The following HDAC9 variants were observed in gnomAD, a reference collection of about 807,000 sequenced individuals.
HDAC9 encodes histone deacetylase 9, also known as MEF-2 interacting transcription repressor (MITR) protein.
In HDAC9, 41 loss-of-function variants were observed where a neutral mutation model predicts 139.4. That is an observed-to-expected ratio of 0.29 (90% CI 0.23 to 0.38). The LOEUF is 0.38. Among genes scored for constraint, HDAC9 ranks in the 10% least tolerant of loss-of-function variants. HDAC9 has a pLI of 1.00. For missense variants in HDAC9, 1,147 were observed against 1,297.0 expected (o/e 0.88, Z 1.78); for synonymous variants, 517 against 476.2 (o/e 1.09, Z -1.12).
intron 2 of HDAC9, among the ~76,000 whole-genome samples, chr7:18,165,652 T>A (rs1348087080): frequency 6.6e-6 from 1 of 151,730 alleles, no homozygotes; most frequent in African/African-American, 2.4e-5. Flanking sequence ...TTGCTTGGCA[T>A]GGTGGTGCAT....
chr7:18,868,708 T>C (rs888586574), intron 21 of HDAC9, among the ~76,000 whole-genome samples: 1 of 152,056 alleles, frequency 6.6e-6, no homozygotes, highest in Non-Finnish European at 1.5e-5. Context: ...AAAAGTAATA[T>C]AATGTTGGGT....
At position 18,685,821 on chromosome 7, in the gene HDAC9, G is replaced by A. The variant is rs144256136; in HGVS notation, c.1731+19345G>A. 8.4e-4 allele frequency among the ~76,000 whole-genome samples: 127 copies of A among 152,010 alleles called. 2 individuals carry two copies. The East Asian group carries it at 0.019, about 23-fold the overall frequency. ...TAGTCATAAAATATATGCAGAAATA[G>A]CGTGTGCCAGTATTTAAAGTTTAAA... On this transcript the variant is annotated intron_variant, in intron 12 of 25. Transcript: ENST00000686413.
intron 2 of HDAC9, among the ~76,000 whole-genome samples, chr7:18,534,073 C>T (rs1809994865): frequency 6.6e-6 from 1 of 152,092 alleles, no homozygotes; most frequent in Admixed American, 6.6e-5. Context: ...CTCTGCTCTC[C>T]TCCTTTCATG....
chr7:18,974,281 A>T (rs947996746), intron 24 of HDAC9, among the ~76,000 whole-genome samples: 2 of 152,214 alleles, frequency 1.3e-5, no homozygotes, highest in African/African-American at 4.8e-5. Context: ...ATTTCTAATG[A>T]TCTTTCAAAT....
intron 11 of HDAC9, among the ~76,000 whole-genome samples, chr7:18,655,247 G>A (rs1790727006): frequency 6.6e-6 from 1 of 152,042 alleles, no homozygotes; most frequent in African/African-American, 2.4e-5. Flanking sequence ...TCCATGCAGG[G>A]TCTTTTAATC....
intron 2 of HDAC9, among the ~76,000 whole-genome samples, chr7:18,558,496 C>T (rs1819571098): frequency 6.6e-6 from 1 of 152,158 alleles, no homozygotes; most frequent in African/African-American, 2.4e-5. Context: ...TGGGGAAACT[C>T]AGGTTGTGCT....
chr7:18,363,274 A>G (rs778501496), intron 1 of HDAC9, among the ~76,000 whole-genome samples: 3 of 152,096 alleles, frequency 2.0e-5, no homozygotes, highest in Non-Finnish European at 4.4e-5. Flanking sequence ...AGGTATATAT[A>G]TCTTTTGTAA....
At chr7:18,549,628 T>C (rs780038256) in intron 2 of HDAC9, among the ~76,000 whole-genome samples, 63 of 152,322 alleles carry the variant, frequency 4.1e-4, no homozygotes, top group East Asian at 2.5e-3. Context: ...GATATTGTAC[T>C]ATTATTATAT....
chr7:18,490,908 C>G (rs1796316060), upstream of HDAC9, among the ~76,000 whole-genome samples: 1 of 151,920 alleles, frequency 6.6e-6, no homozygotes, highest in Admixed American at 6.6e-5. Context: ...CAGCATACTA[C>G]AATTGTAGAG....
At chr7:18,508,968 G>A (rs1362488900) in intron 2 of HDAC9, among the ~76,000 whole-genome samples, 1 of 152,164 alleles carries the variant, frequency 6.6e-6, no homozygotes, top group East Asian at 1.9e-4. Context: ...CGTTGGGTTA[G>A]CAACTGGCTA....
chr7:18,605,261 G>A (rs1210015312), intron 6 of HDAC9, among the ~76,000 whole-genome samples: 11 of 152,170 alleles, frequency 7.2e-5, no homozygotes, highest in Admixed American at 7.2e-4. Context: ...CGTTGGACAG[G>A]AGAAATGTTC....
At chr7:18,664,219 A>G (rs1348095608) in intron 11 of HDAC9, among the ~76,000 whole-genome samples, 1 of 152,124 alleles carries the variant, frequency 6.6e-6, no homozygotes, top group African/African-American at 2.4e-5. Context: ...AAATATACTT[A>G]AAGTCATCTA....
At chr7:18,613,365 A>T (rs1837694493) in intron 6 of HDAC9, among the ~76,000 whole-genome samples, 1 of 152,022 alleles carries the variant, frequency 6.6e-6, no homozygotes, top group Non-Finnish European at 1.5e-5. Flanking sequence ...ATTTTTACTC[A>T]CACTTAACAC....
At chr7:18,398,337 A>G (rs950736289) in intron 1 of HDAC9, among the ~76,000 whole-genome samples, 16 of 152,198 alleles carry the variant, frequency 1.1e-4, no homozygotes, top group African/African-American at 3.9e-4. Context: ...ATGTCTTTGT[A>G]TTTTCCATGT....
chr7:18,375,648 G>C (rs1186870891), intron 1 of HDAC9, among the ~76,000 whole-genome samples: 1 of 152,166 alleles, frequency 6.6e-6, no homozygotes, highest in Non-Finnish European at 1.5e-5. Flanking sequence ...CTGCAGTCCA[G>C]TGTGCTCTCA....
At chr7:18,637,234 A>G (rs1044011496) in intron 8 of HDAC9, among the ~76,000 whole-genome samples, 8 of 152,112 alleles carry the variant, frequency 5.3e-5, no homozygotes, top group African/African-American at 1.9e-4. Context: ...AAGAAGGGGG[A>G]AAACATGATT....
intron 22 of HDAC9, among the ~76,000 whole-genome samples, chr7:18,885,512 C>A (rs575393999): frequency 2.6e-5 from 4 of 152,096 alleles, no homozygotes; most frequent in African/African-American, 9.7e-5. Context: ...CAAAATTTTA[C>A]AACCGTTTAT....
At chr7:18,983,548 CAA>C (rs1785097706) in intron 25 of HDAC9, among the ~76,000 whole-genome samples, 1 of 152,090 alleles carries the variant, frequency 6.6e-6, no homozygotes, top group Non-Finnish European at 1.5e-5. Flanking sequence ...AATTTTCATA[CAA>C]GTTTTCTTTT....
chr7:18,666,481 T>C lies in HDAC9; in HGVS notation c.1731+5T>C. ...CAGGCTGCTTTTATGCAACAGGTAATAGGCAAAGATTTAGCTCCAGGATTT... is the reference window on the plus strand; with the variant it reads ...CAGGCTGCTTTTATGCAACAGGTAACAGGCAAAGATTTAGCTCCAGGATTT... On this transcript the variant is annotated splice_donor_5th_base_variant and intron_variant, in intron 12 of 25. Transcript: ENST00000686413. 1 of 1,606,080 alleles carries C rather than the reference T, an allele frequency of 6.2e-7. No homozygotes were observed. Among genetic ancestry groups the C allele is most frequent in the Non-Finnish European group, 8.5e-7 (1 of 1,175,660 alleles).
Sources: allele counts gnomAD v4.1 joint callset (sites outside exome capture counted in the v4.1 genomes callset), GRCh38; gene constraint gnomAD v4.1.1; transcripts MANE v1.5; gene names NCBI Gene and HGNC (gene_info 2026-07-23, HGNC 2026-07-21).